Variants in CAMSAP1 observed in about 807,000 individuals in gnomAD.
CAMSAP1 encodes calmodulin-regulated spectrin-associated protein 1.
Under a neutral mutation model 143.5 loss-of-function variants are expected in CAMSAP1, and 58 were observed. The ratio of observed to expected loss-of-function variants is 0.40; its 90% CI spans 0.33 to 0.50. CAMSAP1 has a LOEUF of 0.50. Ranked by LOEUF, CAMSAP1 falls within the 20% of genes least tolerant of loss-of-function variation. The pLI, the probability that CAMSAP1 is intolerant of heterozygous loss-of-function variation, is 0.45. For synonymous variants in CAMSAP1, 945 were observed against 859.3 expected (o/e 1.10, Z -1.74); for missense variants, 1,969 against 2,115.7 (o/e 0.93, Z 1.36).
chr9:135,850,646 A>G (rs1836743169), intron 5 of CAMSAP1, among the ~76,000 whole-genome samples, 185 bp from the exon 6 acceptor site: 1 of 152,124 alleles, frequency 6.6e-6, no homozygotes, highest in Non-Finnish European at 1.5e-5. Flanking sequence ...ACTCAAGACA[A>G]CTCCAGGAAC....
chr9:135,898,506 AAT>A (rs975579256), intron 1 of CAMSAP1, among the ~76,000 whole-genome samples: 2 of 151,926 alleles, frequency 1.3e-5, no homozygotes, highest in Non-Finnish European at 2.9e-5. Context: ...TTTAAAGAAA[AAT>A]ATATATATAT....
intron 5 of CAMSAP1, among the ~76,000 whole-genome samples, chr9:135,862,224 C>A (rs1372558269): frequency 6.7e-6 from 1 of 149,506 alleles, no homozygotes; most frequent in African/African-American, 2.5e-5. Flanking sequence ...GTGGCTGGGA[C>A]CACAGGCGTG....
intron 7 of CAMSAP1, among the ~76,000 whole-genome samples, chr9:135,833,885 C>G (rs1835931390): frequency 6.6e-6 from 1 of 152,214 alleles, no homozygotes; most frequent in African/African-American, 2.4e-5. Context: ...AGCCTACAGA[C>G]TGAGAAACTA....
chr9:135,823,876 G>A, intron 10 of CAMSAP1, 74 bp downstream of exon 10: 1 of 1,160,588 alleles, frequency 8.6e-7, no homozygotes, highest in Non-Finnish European at 1.3e-6. Flanking sequence ...CAGGGGGTTG[G>A]GGTGACATCT....
At position 135,821,393 on chromosome 9, in the gene CAMSAP1, C is replaced by T. The variant is rs762300918; in HGVS notation, c.3268G>A (p.Ala1090Thr). ...TTCCGGCCTTGACCCAGCCGGGGGG[C>T]TTTGCGGTGGCCAGCCACGCCCGTG... The part of the protein sequence containing the change: ...SPTGVAGHRK[A>T]PRLGQGRNSR... Residue 1090 changes from alanine to threonine, a missense_variant, in exon 11 of 17, where the codon GCC (alanine) becomes ACC (threonine). Physicochemically the swap from Ala to Thr is moderately conservative, Grantham distance 58 (BLOSUM62 0). Coordinates refer to ENST00000389532, the MANE Select transcript of CAMSAP1 (RefSeq NM_015447.4). The surrounding 1 kb of genome is among the most constrained non-coding windows in gnomAD (Gnocchi z 4.6). 2.5e-6 allele frequency: 4 copies of T among 1,613,870 alleles called. No individual in the cohort carries two copies. The highest frequency in any genetic ancestry group is 4.5e-5 in the East Asian group (2 of 44,872).
chr9:135,821,468 G>A lies in CAMSAP1; in HGVS notation c.3193C>T (p.Gln1065Ter). 1 of 1,614,062 alleles carries A rather than the reference G, an allele frequency of 6.2e-7. No homozygotes were observed. Among genetic ancestry groups the A allele is most frequent in the Non-Finnish European group, 8.5e-7 (1 of 1,179,912 alleles). The change falls in exon 11 of 17, where the codon CAG (glutamine) becomes TAG (stop). Residue 1065 changes from glutamine to a stop codon, truncating the protein, a stop_gained. Transcript: ENST00000389532. LOFTEE classifies it high-confidence loss of function. This position sits in a 1 kb window ranked among gnomAD's most constrained non-coding sequence, Gnocchi z 4.6. ...VPVPGSKNNS[Q>*]DHKVKAPVHF... ...ACTGGTGCCTTCACTTTGTGGTCCT[G>A]CGAGTTATTCTTAGAGCCTGGCACT...
chr9:135,852,682 C>T (rs921261601), intron 5 of CAMSAP1, among the ~76,000 whole-genome samples: 2 of 152,122 alleles, frequency 1.3e-5, no homozygotes, highest in Non-Finnish European at 1.5e-5. Context: ...ATGTGACTGC[C>T]CCGGAACCAA....
intron 3 of CAMSAP1, among the ~76,000 whole-genome samples, chr9:135,874,936 CAGA>C (rs1440302683): frequency 6.6e-6 from 1 of 152,054 alleles, no homozygotes; most frequent in Non-Finnish European, 1.5e-5. Context: ...ACAAAAGATA[CAGA>C]ATAAAGTTAA....
chr9:135,906,274 G>C (rs1838774440), intron 1 of CAMSAP1, among the ~76,000 whole-genome samples: 1 of 152,212 alleles, frequency 6.6e-6, no homozygotes. Context: ...TGCTTCAAAT[G>C]AAAAGAGGAT....
rs1588489462 is a variant in CAMSAP1, at chr9:135,869,263, G to A, written c.586-2727C>T. On this transcript the variant is annotated intron_variant, in intron 3 of 16. Coordinates refer to ENST00000389532, the MANE Select transcript of CAMSAP1 (RefSeq NM_015447.4). ...CACACCTGTAATCCCAGCACTTTGGGAGGCTGAAGCAGATGGAGCTCTTGA... is the reference window on the plus strand; with the variant it reads ...CACACCTGTAATCCCAGCACTTTGGAAGGCTGAAGCAGATGGAGCTCTTGA... Among the ~76,000 whole-genome samples the A allele has an allele frequency of 2.6e-5, 4 of 152,188 alleles. No homozygotes were observed. In the South Asian group the frequency reaches 8.3e-4, roughly 32 times the overall value.
At chr9:135,856,409 C>T (rs909728402) in intron 5 of CAMSAP1, among the ~76,000 whole-genome samples, 2 of 152,064 alleles carry the variant, frequency 1.3e-5, no homozygotes, top group African/African-American at 4.8e-5. Context: ...AATTATCTCC[C>T]ACCAGGTCCC....
chr9:135,859,926 C>T (rs1837117288), intron 5 of CAMSAP1, among the ~76,000 whole-genome samples: 4 of 151,178 alleles, frequency 2.6e-5, no homozygotes, highest in African/African-American at 9.7e-5. Context: ...CATCCAGGGC[C>T]AGGTGCGGTG....
In CAMSAP1 at chr9:135,821,674, A is replaced by C; in HGVS notation, c.2987T>G (p.Leu996Arg). 6.2e-7 allele frequency: 1 copy of C among 1,614,018 alleles called. No homozygotes were observed. The highest frequency in any genetic ancestry group is 8.5e-7 in the Non-Finnish European group (1 of 1,179,888). The change falls in exon 11 of 17, where the codon CTG becomes CGG. Residue 996 changes from leucine (L) to arginine (R), a missense_variant. Leu to Arg is a moderately radical substitution (Grantham distance 102). Transcript: ENST00000389532. The surrounding 1 kb of genome is among the most constrained non-coding windows in gnomAD (Gnocchi z 4.6). ...AGCGGAGATCACCTTATTTCTCTCC[A>C]GCTCGTGCAGAGCCACAGGGTCTTT... is the stretch of plus-strand genomic sequence containing the variant. ...KAKDPVALHE[L>R]ERNKVISAAL...
At chr9:135,878,760 C>T (rs2130975627) in intron 3 of CAMSAP1, among the ~76,000 whole-genome samples, 1 of 152,284 alleles carries the variant, frequency 6.6e-6, no homozygotes, top group South Asian at 2.1e-4. Context: ...GCAAAAGGTG[C>T]TTTGGAAGCA....
At chr9:135,887,350 T>C (rs1209848403) in intron 1 of CAMSAP1, among the ~76,000 whole-genome samples, 5 of 152,086 alleles carry the variant, frequency 3.3e-5, no homozygotes, top group African/African-American at 1.2e-4. Flanking sequence ...CGGACTCAGC[T>C]GGCAGCCTCG....
chr9:135,853,807 G>A (rs1488960107), intron 5 of CAMSAP1, among the ~76,000 whole-genome samples: 1 of 152,158 alleles, frequency 6.6e-6, no homozygotes. Context: ...GCTTCTCCTG[G>A]GCCTTCAATG....
intron 3 of CAMSAP1, among the ~76,000 whole-genome samples, chr9:135,874,697 A>C (rs557836147): frequency 1.3e-5 from 2 of 152,234 alleles, no homozygotes; most frequent in Non-Finnish European, 2.9e-5. Flanking sequence ...TATAATTAAA[A>C]AAGAGCATAC....
Position 135,815,234 on chromosome 9 carries a change from G to C in CAMSAP1, c.4388-19C>G, listed in dbSNP as rs530650471. 3.2e-5 allele frequency: 50 copies of C among 1,545,480 alleles called. No individual in the cohort carries two copies. Among genetic ancestry groups the C allele is most frequent in the Admixed American group, 5.7e-5 (3 of 52,426 alleles). ...TTGGGACCTAAGAAACGAGGCCAGG[G>C]TTGGTAAAATTATTATTTTAAGGCA... is the stretch of plus-strand genomic sequence containing the variant. On this transcript the variant is annotated intron_variant, in intron 15 of 16. Transcript: ENST00000389532.
rs763527962 is a variant in CAMSAP1 at position 135,822,638 on chromosome 9, C to T, written c.2023G>A (p.Ala675Thr). The change falls in exon 11 of 17, where the codon GCA becomes ACA. Residue 675 changes from alanine to threonine, a missense_variant. This residue lies in a region of CAMSAP1 where 1,390 missense variants were observed against 1,420.8 expected (regional missense o/e 0.98). Coordinates refer to ENST00000389532, the MANE Select transcript of CAMSAP1 (RefSeq NM_015447.4). This position sits in a 1 kb window ranked among gnomAD's most constrained non-coding sequence, Gnocchi z 6.1. ...AGAGGCCCACCACAGACCTCTCCTG[C>T]GGTTTCCACTGACAGTGGTCCTGTC... ...TETGPLSVETAGEVCGGPLAL... is the reference protein window; with the variant it reads ...TETGPLSVETTGEVCGGPLAL... 22 of 1,610,212 alleles carry T rather than the reference C, an allele frequency of 1.4e-5. No individual in the cohort carries two copies. The East Asian group carries it at 2.5e-4, about 18-fold the overall frequency.
Sources: allele counts gnomAD v4.1 joint callset (sites outside exome capture counted in the v4.1 genomes callset), GRCh38; gene constraint gnomAD v4.1.1; regional missense constraint gnomAD v4.1.1; non-coding constraint Gnocchi (gnomAD v3.1); transcripts MANE v1.5; gene names NCBI Gene and HGNC (gene_info 2026-07-23, HGNC 2026-07-21).